PLSCR2: variants seen among roughly 807,000 people sequenced by gnomAD.
The protein encoded by PLSCR2 is PL scramblase 2.
In PLSCR2, 18 loss-of-function variants were observed where a neutral mutation model predicts 25.3. The ratio of observed to expected loss-of-function variants is 0.71; its 90% CI spans 0.49 to 1.06. The LOEUF (loss-of-function observed/expected upper bound fraction) is 1.06, where lower values mean the gene tolerates loss of function less well. Among genes scored for constraint, PLSCR2 ranks in the 50% least tolerant of loss-of-function variants. PLSCR2 has a pLI of 0.00. For synonymous variants in PLSCR2, 88 were observed against 87.3 expected (o/e 1.01, Z -0.04); for missense variants, 243 against 269.5 (o/e 0.90, Z 0.69).
At chr3:146,436,013 CATTT>C (rs1467610443) in intron 8 of PLSCR2, among the ~76,000 whole-genome samples, 21 of 152,228 alleles carry the variant, frequency 1.4e-4, no homozygotes, top group African/African-American at 4.1e-4. Context: ...TTTCCAGCAC[CATTT>C]ATTTAATAGG....
At chr3:146,452,804 T>C (rs1281820997) in intron 5 of PLSCR2, among the ~76,000 whole-genome samples, 1 of 152,066 alleles carries the variant, frequency 6.6e-6, no homozygotes, top group Admixed American at 6.6e-5. Context: ...CTTGTCTGGA[T>C]TTTTATGGGC....
chr3:146,404,865 C>T (rs1038576767), intron 2 of PLSCR2, among the ~76,000 whole-genome samples: 3 of 149,594 alleles, frequency 2.0e-5, no homozygotes, highest in Admixed American at 6.7e-5. Context: ...GTCCAAAGTC[C>T]AATAGGAAAA....
chr3:146,476,069 C>T (rs1217472214), intron 1 of PLSCR2, among the ~76,000 whole-genome samples: 1 of 151,946 alleles, frequency 6.6e-6, no homozygotes, highest in Non-Finnish European at 1.5e-5. Flanking sequence ...TTTCCCAAAA[C>T]TGTTATATAG....
intron 2 of PLSCR2, among the ~76,000 whole-genome samples, chr3:146,423,226 T>C (rs2039210284): frequency 6.9e-6 from 1 of 144,104 alleles, no homozygotes; most frequent in Non-Finnish European, 1.5e-5. Flanking sequence ...TTTCCTCTCC[T>C]TGCAGTGCCT....
downstream of PLSCR2, among the ~76,000 whole-genome samples, chr3:146,430,603 CA>C (rs1036425305): frequency 1.3e-5 from 2 of 152,286 alleles, no homozygotes; most frequent in African/African-American, 4.8e-5. Flanking sequence ...AGCCCAAACT[CA>C]GCTAAAACTT....
intron 2 of PLSCR2, among the ~76,000 whole-genome samples, chr3:146,427,192 C>A (rs2039386470): frequency 6.6e-6 from 1 of 152,128 alleles, no homozygotes; most frequent in South Asian, 2.1e-4. Context: ...GGTAATTCAA[C>A]AATTTTAGGC....
intron 6 of PLSCR2, among the ~76,000 whole-genome samples, chr3:146,443,694 C>T (rs1219284614): frequency 6.6e-6 from 1 of 151,622 alleles, no homozygotes; most frequent in East Asian, 1.9e-4. Flanking sequence ...TTTGGCTTAT[C>T]TTTCCAAAAA....
intron 3 of PLSCR2, among the ~76,000 whole-genome samples, chr3:146,394,760 C>A (rs1415772585): frequency 6.6e-6 from 1 of 152,232 alleles, no homozygotes; most frequent in Non-Finnish European, 1.5e-5. Flanking sequence ...CCACCCAAAT[C>A]TTAACTTGAA....
chr3:146,427,120 C>T (rs2039384074), intron 2 of PLSCR2, among the ~76,000 whole-genome samples: 1 of 152,172 alleles, frequency 6.6e-6, no homozygotes, highest in African/African-American at 2.4e-5. Flanking sequence ...TGGACTTTGA[C>T]AACTTTGAGA....
chr3:146,408,027 A>T (rs370056311), intron 2 of PLSCR2, among the ~76,000 whole-genome samples: 1 of 152,194 alleles, frequency 6.6e-6, no homozygotes, highest in South Asian at 2.1e-4. Context: ...GTAAACTCTG[A>T]TACTGCCAGG....
chr3:146,455,406 G>T (rs1352331037), exon 4 of PLSCR2: 5 of 1,613,208 alleles, frequency 3.1e-6, no homozygotes, highest in Non-Finnish European at 1.7e-6. Flanking sequence ...TAAATCCTCT[G>T]CCCAAAGCTG....
intron 2 of PLSCR2, chr3:146,415,167 T>A (rs1310670009): frequency 6.6e-6 from 1 of 152,630 alleles, no homozygotes; most frequent in Non-Finnish European, 1.5e-5. Flanking sequence ...AACTGATTTA[T>A]CTATTAGAGT....
chr3:146,465,496 A>AACAAATAAAT (rs1319612385), intron 1 of PLSCR2, among the ~76,000 whole-genome samples: 1 of 151,970 alleles, frequency 6.6e-6, no homozygotes, highest in African/African-American at 2.4e-5. Context: ...ATAGACAATT[A>AACAAATAAAT]ACAAATAAAT....
At chr3:146,456,505 C>CTAT (rs2041230888) in intron 3 of PLSCR2, among the ~76,000 whole-genome samples, 1 of 152,178 alleles carries the variant, frequency 6.6e-6, no homozygotes, top group South Asian at 2.1e-4. Context: ...CTGTGGTCAT[C>CTAT]TATTATCCAA....
chr3:146,464,921 G>A (rs773654915), upstream of PLSCR2, among the ~76,000 whole-genome samples: 1 of 152,146 alleles, frequency 6.6e-6, no homozygotes, highest in Non-Finnish European at 1.5e-5. Flanking sequence ...AGCTGTATAG[G>A]AGGACATCCA....
At chr3:146,435,898 G>A (rs1001397884) in intron 8 of PLSCR2, among the ~76,000 whole-genome samples, 1 of 152,088 alleles carries the variant, frequency 6.6e-6, no homozygotes, top group Non-Finnish European at 1.5e-5. Context: ...GGGTTTTTAC[G>A]GTTTTAGGTC....
chr3:146,455,736 C>T (rs1482836712), intron 3 of PLSCR2, among the ~76,000 whole-genome samples: 1 of 152,138 alleles, frequency 6.6e-6, no homozygotes, highest in Non-Finnish European at 1.5e-5. Context: ...AGAGACTTTG[C>T]TGCTGAGGGT....
intron 1 of PLSCR2, among the ~76,000 whole-genome samples, chr3:146,478,209 C>A (rs999741378): frequency 6.6e-6 from 1 of 152,170 alleles, no homozygotes; most frequent in Non-Finnish European, 1.5e-5. Flanking sequence ...TGCTCACCAG[C>A]AATGGAACAA....
intron 1 of PLSCR2, among the ~76,000 whole-genome samples, chr3:146,481,763 C>T (rs1239627855): frequency 6.6e-6 from 1 of 152,142 alleles, no homozygotes; most frequent in East Asian, 1.9e-4. Flanking sequence ...AAAGAGACTG[C>T]ATTGTGAAGA....
Sources: gnomAD v4.1 joint callset for allele counts (sites outside exome capture counted in the v4.1 genomes callset) on GRCh38, gnomAD v4.1.1 for gene constraint, MANE v1.5 for transcripts, NCBI Gene and HGNC (gene_info 2026-07-23, HGNC 2026-07-21) for gene names.